The following SLC7A2 variants were observed in gnomAD, a reference collection of about 807,000 sequenced individuals.
SLC7A2 encodes the protein solute carrier family 7 member 2.
A neutral mutation model predicts 58.9 loss-of-function variants in SLC7A2; 48 were observed. The ratio of observed to expected loss-of-function variants is 0.82; its 90% CI spans 0.65 to 1.04. The LOEUF (loss-of-function observed/expected upper bound fraction) is 1.04. Among genes scored for constraint, SLC7A2 ranks in the 50% least tolerant of loss-of-function variants. The pLI is 0.00. For synonymous variants in SLC7A2, 363 were observed against 314.5 expected (o/e 1.15, Z -1.63); for missense variants, 1,029 against 818.8 (o/e 1.26, Z -3.13).
chr8:17,547,793 TGTG>T (rs1802246885), intron 4 of SLC7A2, among the ~76,000 whole-genome samples: 7 of 127,198 alleles, frequency 5.5e-5, no homozygotes, highest in African/African-American at 2.7e-4. Context: ...AGAGTGTGTG[TGTG>T]TGTGTGTGTG....
chr8:17,561,519 G>T (rs1456189826), intron 10 of SLC7A2, among the ~76,000 whole-genome samples: 1 of 152,150 alleles, frequency 6.6e-6, no homozygotes, highest in Non-Finnish European at 1.5e-5. Context: ...TTCAAAATGA[G>T]ATTTGGGTGG....
intron 2 of SLC7A2, among the ~76,000 whole-genome samples, chr8:17,504,139 C>G (rs560615990): frequency 7.3e-4 from 111 of 152,336 alleles, no homozygotes; most frequent in Non-Finnish European, 1.4e-3. Flanking sequence ...AGAAGAATAA[C>G]AAACTACTAA....
At chr8:17,504,302 T>C (rs996561672) in intron 2 of SLC7A2, among the ~76,000 whole-genome samples, 17 of 152,188 alleles carry the variant, frequency 1.1e-4, no homozygotes, top group Non-Finnish European at 1.8e-4. Flanking sequence ...TGAGATCTTG[T>C]GGCTCTCCTG....
At position 17,566,087 on chromosome 8, in the gene SLC7A2, C is replaced by G. The variant is rs1285302102; in HGVS notation, c.*941C>G. The G allele has an allele frequency of 6.6e-6, 1 of 152,200 alleles. No individual in the cohort carries two copies. The highest frequency in any genetic ancestry group is 1.5e-5 in the Non-Finnish European group (1 of 68,046). The allele number at this position is 152,200 out of a possible 1,614,324, so 9.4% of individuals were successfully genotyped here. A position where few individuals can be genotyped will look rare whatever the true frequency, so the allele number is the denominator to read the frequency against. On this transcript the variant is annotated 3_prime_UTR_variant, in exon 13 of 13. Transcript: ENST00000494857. ...GACCAATGCTTGAATAAGTAGACCCCAAGCATCCTTTTCTAAAAAGTGACT... is the reference window on the plus strand; with the variant it reads ...GACCAATGCTTGAATAAGTAGACCCGAAGCATCCTTTTCTAAAAAGTGACT...
intron 2 of SLC7A2, among the ~76,000 whole-genome samples, chr8:17,533,596 C>T (rs1222646515): frequency 2.6e-5 from 4 of 152,180 alleles, no homozygotes. Flanking sequence ...AGAATAATTA[C>T]AGGAAACCAG....
Position 17,551,776 on chromosome 8 carries a change from G to A in SLC7A2, c.845G>A (p.Arg282Gln), listed in dbSNP as rs777700350. 3.8e-5 allele frequency: 61 copies of A among 1,613,198 alleles called. No individual in the cohort carries two copies. The highest frequency in any genetic ancestry group is 8.9e-5 in the East Asian group (4 of 44,858). Residue 282 changes from arginine (R) to glutamine (Q), a missense_variant, in exon 7 of 13, where the codon CGG becomes CAG. By Grantham distance (43) the Arg-to-Gln change is conservative. Transcript: ENST00000494857. ...TATATTTCCTTAGGTGAAGAAGTTC[G>A]GAATCCCCAGAAAGCTATTCCCATT... is the stretch of plus-strand genomic sequence containing the variant. The part of the protein sequence containing the change: ...DCIATTGEEV[R>Q]NPQKAIPIGI...
chr8:17,556,025 A>AT (rs564888981), intron 8 of SLC7A2, among the ~76,000 whole-genome samples: 89 of 152,254 alleles, frequency 5.8e-4, no homozygotes, highest in African/African-American at 1.7e-3. Flanking sequence ...GTAAAATGGA[A>AT]TTTTTTTCAG....
chr8:17,501,849 G>A (rs1800173883), intron 1 of SLC7A2, among the ~76,000 whole-genome samples: 1 of 150,334 alleles, frequency 6.7e-6, no homozygotes, highest in African/African-American at 2.5e-5. Flanking sequence ...CGAGTGATGC[G>A]AGAACATTCC....
At chr8:17,538,795 A>T in intron 2 of SLC7A2, 1 of 1,613,452 alleles carries the variant, frequency 6.2e-7, no homozygotes, top group South Asian at 1.1e-5. Flanking sequence ...CAGAAAGAGC[A>T]GATGTCTCAC....
chr8:17,570,403 G>T lies in SLC7A2; in HGVS notation c.*5257G>T, dbSNP rs1418473287. ...GTGAATGTACAGGGTTTTTTTAGTA[G>T]TAATTTTAAATTTAAATGTTTTAAG... On this transcript the variant is annotated 3_prime_UTR_variant, in exon 13 of 13. Coordinates refer to ENST00000494857, the MANE Select transcript of SLC7A2 (RefSeq NM_001370338.1). 2 of 152,646 alleles carry T rather than the reference G, an allele frequency of 1.3e-5. No homozygotes were observed. The highest frequency in any genetic ancestry group is 1.3e-4 in the Admixed American group (2 of 15,288). The allele number at this position is 152,646 out of a possible 1,614,324, so 9.5% of individuals were successfully genotyped here. A position where few individuals can be genotyped will look rare whatever the true frequency, so the allele number is the denominator to read the frequency against.
chr8:17,518,898 T>C (rs1800906125), intron 2 of SLC7A2, among the ~76,000 whole-genome samples: 1 of 152,148 alleles, frequency 6.6e-6, no homozygotes, highest in Non-Finnish European at 1.5e-5. Context: ...GGTGCCAGCA[T>C]GGTTGAGCTC....
At chr8:17,538,686 G>T in intron 2 of SLC7A2, 1 of 924,898 alleles carries the variant, frequency 1.1e-6, no homozygotes. Flanking sequence ...GTTGGGTTTG[G>T]ACATTGCAAA....
intron 2 of SLC7A2, among the ~76,000 whole-genome samples, chr8:17,506,521 T>C (rs1198732177): frequency 6.6e-6 from 1 of 152,132 alleles, no homozygotes; most frequent in African/African-American, 2.4e-5. Flanking sequence ...CCGTGGACAG[T>C]TATCAAGTTT....
intron 4 of SLC7A2, 88 bp downstream of exon 4, chr8:17,544,694 TC>T (rs2150741797): frequency 8.8e-7 from 1 of 1,135,616 alleles, no homozygotes; most frequent in Non-Finnish European, 1.3e-6. Flanking sequence ...GGGCCTGAGT[TC>T]CCAAGATGAG....
chr8:17,534,694 G>GAAAA (rs34390459), intron 2 of SLC7A2, among the ~76,000 whole-genome samples: 3 of 128,348 alleles, frequency 2.3e-5, no homozygotes, highest in African/African-American at 8.8e-5. Context: ...GTTTCAAATG[G>GAAAA]AAAAAAAAAA....
intron 2 of SLC7A2, among the ~76,000 whole-genome samples, chr8:17,537,088 G>T (rs934808250): frequency 6.6e-6 from 1 of 152,094 alleles, no homozygotes; most frequent in Non-Finnish European, 1.5e-5. Flanking sequence ...ATGGAGTCTC[G>T]CTCTGTTGCC....
intron 2 of SLC7A2, among the ~76,000 whole-genome samples, chr8:17,516,208 A>G (rs1286679807): frequency 7.1e-6 from 1 of 141,522 alleles, no homozygotes; most frequent in African/African-American, 2.6e-5. Context: ...GTTTTATTTT[A>G]TTTATTTAAT....
At chr8:17,520,651 A>G (rs1179670417) in intron 2 of SLC7A2, 1 of 158,094 alleles carries the variant, frequency 6.3e-6, no homozygotes, top group African/African-American at 5.1e-5. Context: ...TAAAAAAAAA[A>G]AAAAAAAAAA....
chr8:17,543,838 T>A, intron 3 of SLC7A2, 123 bp downstream of exon 3: 2 of 855,954 alleles, frequency 2.3e-6, no homozygotes, highest in Non-Finnish European at 1.7e-6. Context: ...CTCATTTTTG[T>A]CATCTCGAAA....
Sources: allele counts gnomAD v4.1 joint callset (sites outside exome capture counted in the v4.1 genomes callset), GRCh38; gene constraint gnomAD v4.1.1; transcripts MANE v1.5; gene names NCBI Gene and HGNC (gene_info 2026-07-23, HGNC 2026-07-21).